The following TMPRSS11F variants were observed in gnomAD, a reference collection of about 807,000 sequenced individuals.
TMPRSS11F encodes transmembrane protease serine 11F.
TMPRSS11F carries 47 observed loss-of-function variants against 60.2 expected under a neutral mutation model. That is an observed-to-expected ratio of 0.78 (90% confidence interval 0.62 to 1.00). The LOEUF is 1.00. Among genes scored for constraint, TMPRSS11F ranks in the 50% least tolerant of loss-of-function variants. The pLI is 0.00. For missense variants in TMPRSS11F, 519 were observed against 522.9 expected, an observed-to-expected ratio of 0.99 and a Z score of 0.07; for synonymous variants, 166 against 167.3, an observed-to-expected ratio of 0.99 and a Z score of 0.06.
At chr4:68,106,866 A>G (rs1724311617) in intron 1 of TMPRSS11F, among the ~76,000 whole-genome samples, 1 of 152,182 alleles carries the variant, frequency 6.6e-6, no homozygotes, top group Non-Finnish European at 1.5e-5. Flanking sequence ...GTTTTCTGAA[A>G]TTTTCTTTGA....
chr4:68,108,488 C>G (rs950954846), intron 1 of TMPRSS11F, among the ~76,000 whole-genome samples: 1 of 152,144 alleles, frequency 6.6e-6, no homozygotes, highest in Non-Finnish European at 1.5e-5. Flanking sequence ...TTCACACGGA[C>G]TACAGTCGCT....
intron 9 of TMPRSS11F, 52 bp downstream of exon 9, chr4:68,059,274 A>G (rs1244748390): frequency 1.3e-6 from 2 of 1,595,098 alleles, no homozygotes; most frequent in African/African-American, 2.7e-5. Context: ...AAACTCAGAA[A>G]TAGCTAATGG....
Position 68,062,891 on chromosome 4 carries a change from C to T in TMPRSS11F, c.1015+1794G>A, listed in dbSNP as rs1280171013. The T allele has an allele frequency of 5.0e-6, 4 of 803,350 alleles. No individual in the cohort carries two copies. The African/African-American group carries it at 5.1e-5, about 10-fold the overall frequency. 49.8% of individuals were successfully genotyped at this position (803,350 alleles called of 1,614,324 possible). ...TGCTGCCCAATTTTTTAAGTGGCTG[C>T]CTTTTATCACTTCTGCTGATAGTCT... On this transcript the variant is annotated intron_variant, in intron 8 of 9. Transcript: ENST00000356291.
intron 3 of TMPRSS11F, among the ~76,000 whole-genome samples, chr4:68,077,905 C>T (rs1032718808): frequency 2.0e-5 from 3 of 152,180 alleles, no homozygotes; most frequent in African/African-American, 4.8e-5. Context: ...GCAGACTCCA[C>T]GCCATCCCAG....
chr4:68,065,776 A>AAC (rs1553885481), intron 7 of TMPRSS11F, among the ~76,000 whole-genome samples: 2 of 151,718 alleles, frequency 1.3e-5, no homozygotes, highest in African/African-American at 2.4e-5. Context: ...ATAAAAAAAA[A>AAC]AAACCTGAAA....
rs544466832 is a variant in TMPRSS11F at position 68,089,043 on chromosome 4, A to G, written c.282+1480T>C. Among the ~76,000 whole-genome samples the G allele has an allele frequency of 4.0e-5, 6 of 151,032 alleles. No homozygotes were observed. In the South Asian group the frequency reaches 1.3e-3, roughly 31 times the overall value. The stretch of plus-strand genomic sequence containing the variant: ...CAAGATCACTTTTTACAGAATTAGA[A>G]AAAAAAAAACTATTCTGAAACTTAC... On this transcript the variant is annotated intron_variant, in intron 3 of 9. Coordinates refer to ENST00000356291, the MANE Select transcript of TMPRSS11F (RefSeq NM_207407.2).
chr4:68,092,198 T>C (rs890125220), intron 2 of TMPRSS11F, among the ~76,000 whole-genome samples: 1 of 133,558 alleles, frequency 7.5e-6, no homozygotes, highest in Non-Finnish European at 1.7e-5. Flanking sequence ...CAAACATTCA[T>C]TTAAAAACAT....
At chr4:68,112,198 A>T (rs1443018460) in intron 1 of TMPRSS11F, among the ~76,000 whole-genome samples, 2 of 152,194 alleles carry the variant, frequency 1.3e-5, no homozygotes, top group African/African-American at 4.8e-5. Context: ...TTTCAAGTTC[A>T]GTGAGTCTAG....
At chr4:68,120,317 G>GA (rs1440841530) in intron 1 of TMPRSS11F, among the ~76,000 whole-genome samples, 6 of 150,740 alleles carry the variant, frequency 4.0e-5, no homozygotes, top group Admixed American at 6.6e-5. Context: ...CTCCAACTTT[G>GA]AAAAAAGTTC....
At chr4:68,101,716 G>A (rs1351240914) in intron 1 of TMPRSS11F, among the ~76,000 whole-genome samples, 1 of 152,036 alleles carries the variant, frequency 6.6e-6, no homozygotes, top group East Asian at 1.9e-4. Flanking sequence ...AAATTTTATT[G>A]TGCATATTTA....
chr4:68,097,883 G>A (rs1333830412), intron 2 of TMPRSS11F, among the ~76,000 whole-genome samples: 1 of 152,088 alleles, frequency 6.6e-6, no homozygotes, highest in Admixed American at 6.6e-5. Flanking sequence ...CCCCAATAAT[G>A]AGGGTAGGAA....
Position 68,069,963 on chromosome 4 carries a change from A to G in TMPRSS11F, c.553+6T>C. The G allele has an allele frequency of 2.5e-6, 4 of 1,600,804 alleles. No individual in the cohort carries two copies. The highest frequency in any genetic ancestry group is 3.4e-6 in the Non-Finnish European group (4 of 1,173,064). On this transcript the variant is annotated splice_donor_region_variant and intron_variant, in intron 6 of 9. Transcript: ENST00000356291. ...TAAACAGTTAATTGTGGGTTTTGGA[A>G]CTTACGACTGTTGAGAAGATTCCTC...
chr4:68,109,188 C>A (rs1474077359), intron 1 of TMPRSS11F, among the ~76,000 whole-genome samples: 2 of 152,108 alleles, frequency 1.3e-5, no homozygotes, highest in African/African-American at 4.8e-5. Context: ...TAATTGAGCA[C>A]CTACTATGTA....
At position 68,115,356 on chromosome 4, in the gene TMPRSS11F, C is replaced by CAAA. The variant is rs57550471; in HGVS notation, c.11+14451_11+14453dup. On this transcript the variant is annotated intron_variant, in intron 1 of 9. Coordinates refer to ENST00000356291, the MANE Select transcript of TMPRSS11F (RefSeq NM_207407.2). ...TGGGCAACAGAGCAAGACACCATCT[C>CAAA]AAAAAAAAAAAAAAAAAAAAAAAAA... is the stretch of plus-strand genomic sequence containing the variant. 6.3e-3 allele frequency among the ~76,000 whole-genome samples: 472 copies of CAAA among 74,388 alleles called. 41 individuals carry two copies. The highest frequency in any genetic ancestry group is 7.4e-3 in the African/African-American group (140 of 18,872). 48.8% of individuals were successfully genotyped at this position (74,388 alleles called of 152,430 possible). A position where few individuals can be genotyped will look rare whatever the true frequency, so the allele number is the denominator to read the frequency against.
chr4:68,093,016 G>T (rs1244034676), intron 2 of TMPRSS11F, among the ~76,000 whole-genome samples: 2 of 152,044 alleles, frequency 1.3e-5, no homozygotes, highest in South Asian at 4.1e-4. Context: ...GTCCTTATAT[G>T]CAGAGAACAT....
intron 1 of TMPRSS11F, among the ~76,000 whole-genome samples, chr4:68,111,562 G>A (rs1724410197): frequency 6.6e-6 from 1 of 152,100 alleles, no homozygotes; most frequent in Non-Finnish European, 1.5e-5. Flanking sequence ...ACAGGTAATA[G>A]GCTATAAAAG....
chr4:68,085,184 G>A (rs536108372), intron 3 of TMPRSS11F, among the ~76,000 whole-genome samples: 12 of 146,784 alleles, frequency 8.2e-5, no homozygotes, highest in Admixed American at 2.1e-4. Context: ...GAATAATGCC[G>A]CAATAAACAT....
chr4:68,102,210 T>C lies in TMPRSS11F; in HGVS notation c.12-3172A>G, dbSNP rs376430718. On this transcript the variant is annotated intron_variant, in intron 1 of 9. Coordinates refer to ENST00000356291, the MANE Select transcript of TMPRSS11F (RefSeq NM_207407.2). ...TTGTATATATTTACCACAACTTCCT[T>C]ATCCATCTGTCAATGGACACTTAGG... Among the ~76,000 whole-genome samples the C allele has an allele frequency of 3.3e-5, 5 of 152,268 alleles. No individual in the cohort carries two copies. In the East Asian group the frequency reaches 9.7e-4, roughly 29 times the overall value.
In TMPRSS11F at chr4:68,090,529, T is replaced by C; in HGVS notation, c.276A>G (p.Glu92=). ...AAATTTCTGTTGAGCTTACCATTCTTTCAATCTGATGACTCCTTTCTATAA... is the reference window on the plus strand; with the variant it reads ...AAATTTCTGTTGAGCTTACCATTCTCTCAATCTGATGACTCCTTTCTATAA... ...REFIERSHQI[E]RMMSRIFRHS... Residue 92 remains glutamate (E), a synonymous_variant, in exon 3 of 10, where the codon GAA becomes GAG. Coordinates refer to ENST00000356291, the MANE Select transcript of TMPRSS11F (RefSeq NM_207407.2). 1 of 1,584,602 alleles carries C rather than the reference T, an allele frequency of 6.3e-7. No homozygotes were observed. Among genetic ancestry groups the C allele is most frequent in the South Asian group, 1.1e-5 (1 of 87,558 alleles).
Sources: allele counts gnomAD v4.1 joint callset (sites outside exome capture counted in the v4.1 genomes callset), GRCh38; gene constraint gnomAD v4.1.1; transcripts MANE v1.5; gene names NCBI Gene and HGNC (gene_info 2026-07-23, HGNC 2026-07-21).